Variants in FGD6 observed in about 807,000 individuals in gnomAD.
FGD6 encodes the protein FYVE, RhoGEF and PH domain-containing protein 6.
A neutral mutation model predicts 149.4 loss-of-function variants in FGD6; 90 were observed. The observed-to-expected ratio is 0.60, with a 90% CI of 0.51 to 0.72. The LOEUF (loss-of-function observed/expected upper bound fraction) is 0.72, where lower values mean the gene tolerates loss of function less well. FGD6 is among the 30% of genes least tolerant of loss of function. The probability of loss-of-function intolerance (pLI) is 0.00; values close to 1 mark genes in which losing one functional copy is unlikely to be tolerated. For synonymous variants in FGD6, 527 were observed against 584.0 expected (o/e 0.90, Z 1.41); for missense variants, 1,437 against 1,684.8 (o/e 0.85, Z 2.57).
At chr12:95,166,922 C>T (rs1183540515) in intron 3 of FGD6, among the ~76,000 whole-genome samples, 1 of 148,262 alleles carries the variant, frequency 6.7e-6, no homozygotes. Context: ...AGTGGCATGA[C>T]CTTGGCTTGC....
intron 7 of FGD6, among the ~76,000 whole-genome samples, chr12:95,136,277 G>GA (rs1330173688): frequency 3.3e-5 from 5 of 152,046 alleles, no homozygotes; most frequent in African/African-American, 1.2e-4. Context: ...AAAATCACGT[G>GA]AACCTCGGAG....
intron 8 of FGD6, chr12:95,126,025 C>T: frequency 4.5e-6 from 6 of 1,318,914 alleles, no homozygotes; most frequent in Non-Finnish European, 6.6e-6. Context: ...TGGGCAGCCA[C>T]ACAATGGGCC....
intron 14 of FGD6, among the ~76,000 whole-genome samples, chr12:95,095,796 T>A (rs2136235359): frequency 6.6e-6 from 1 of 152,166 alleles, no homozygotes; most frequent in Non-Finnish European, 1.5e-5. Flanking sequence ...GGTGGATCAT[T>A]TGAGCTCAGG....
intron 5 of FGD6, among the ~76,000 whole-genome samples, chr12:95,152,244 T>C (rs1880331624): frequency 6.6e-6 from 1 of 152,074 alleles, no homozygotes; most frequent in East Asian, 1.9e-4. Flanking sequence ...GAGAATTGCC[T>C]GAACCCAGGA....
intron 3 of FGD6, among the ~76,000 whole-genome samples, chr12:95,158,588 C>A (rs561714914): frequency 3.9e-5 from 6 of 152,108 alleles, no homozygotes; most frequent in Non-Finnish European, 7.4e-5. Context: ...TGTCTACACA[C>A]ACATACACAC....
At chr12:95,141,835 G>A (rs996024382) in intron 5 of FGD6, among the ~76,000 whole-genome samples, 42 of 152,130 alleles carry the variant, frequency 2.8e-4, no homozygotes, top group African/African-American at 9.7e-4. Context: ...TCTGGAAATT[G>A]TAATGCAATT....
chr12:95,133,888 G>C (rs897682309), intron 8 of FGD6, among the ~76,000 whole-genome samples: 1 of 152,094 alleles, frequency 6.6e-6, no homozygotes, highest in Non-Finnish European at 1.5e-5. Flanking sequence ...GCTATGGTGA[G>C]GATTTAAAGA....
At chr12:95,146,272 T>C (rs544475247) in intron 5 of FGD6, among the ~76,000 whole-genome samples, 1 of 152,330 alleles carries the variant, frequency 6.6e-6, no homozygotes, top group South Asian at 2.1e-4. Context: ...GGAGGTGACA[T>C]CTTTTTTTTA....
At chr12:95,184,894 GA>G (rs1881385815) in intron 2 of FGD6, among the ~76,000 whole-genome samples, 2 of 137,456 alleles carry the variant, frequency 1.5e-5, no homozygotes, top group South Asian at 4.6e-4. Context: ...TTTTTTTTGA[GA>G]CGGAGTCTCA....
At chr12:95,114,531 G>A in intron 8 of FGD6, among the ~76,000 whole-genome samples, 1 of 147,990 alleles carries the variant, frequency 6.8e-6, no homozygotes, top group Non-Finnish European at 1.5e-5. Context: ...ATGCAGCCCT[G>A]CAACAAAAAA....
chr12:95,094,218 C>T (rs1370784084), intron 15 of FGD6, among the ~76,000 whole-genome samples: 7 of 151,434 alleles, frequency 4.6e-5, no homozygotes, highest in Non-Finnish European at 8.8e-5. Context: ...TTCACGTGCT[C>T]GGAATACTAA....
At chr12:95,164,946 C>A (rs955945799) in intron 3 of FGD6, among the ~76,000 whole-genome samples, 1 of 151,990 alleles carries the variant, frequency 6.6e-6, no homozygotes, top group Non-Finnish European at 1.5e-5. Flanking sequence ...ATATGAGCTA[C>A]TTTACAAAGA....
At chr12:95,114,545 A>G (rs1000157421) in intron 8 of FGD6, among the ~76,000 whole-genome samples, 41 of 152,072 alleles carry the variant, frequency 2.7e-4, no homozygotes, top group African/African-American at 9.9e-4. Flanking sequence ...CAAAAAAAAA[A>G]ATTATCTGAC....
chr12:95,139,901 T>C (rs1879794881), intron 6 of FGD6, among the ~76,000 whole-genome samples: 1 of 152,130 alleles, frequency 6.6e-6, no homozygotes, highest in Admixed American at 6.6e-5. Context: ...CCTCCCAAAG[T>C]GCTGGGATTA....
chr12:95,217,460 G>T lies in FGD6; in HGVS notation c.-220C>A. On this transcript the variant is annotated 5_prime_UTR_variant, in exon 1 of 21. Transcript: ENST00000343958. The stretch of plus-strand genomic sequence containing the variant: ...CGAGCCGCCGGGGTCGGGCGGGCGA[G>T]CACTAGCACCGCCCCGCAGAGCGGC... The T allele has an allele frequency of 1.7e-6, 1 of 592,858 alleles. No individual in the cohort carries two copies. The highest frequency in any genetic ancestry group is 2.7e-6 in the Non-Finnish European group (1 of 376,334). 36.7% of individuals were successfully genotyped at this position (592,858 alleles called of 1,614,324 possible).
Position 95,094,659 on chromosome 12 carries a change from A to T in FGD6, c.3533T>A (p.Ile1178Asn), listed in dbSNP as rs1235091088. 1.2e-6 allele frequency: 2 copies of T among 1,613,880 alleles called. No homozygotes were observed. Among genetic ancestry groups the T allele is most frequent in the Admixed American group, 3.3e-5 (2 of 60,024 alleles). Residue 1178 changes from isoleucine (I) to asparagine (N), a missense_variant, in exon 15 of 21, where the codon ATT becomes AAT. Around this residue, in one of 2 missense-constraint regions of FGD6, gnomAD observed 382 missense variants for 538.7 expected, o/e 0.71. Transcript: ENST00000343958. Reference sequence around the variant, plus strand: ...GGCATACTCTTCTATTGCCCTGGAAATCGCTTCTAGCCATTCATCCCTTTC... The same window carrying T: ...GGCATACTCTTCTATTGCCCTGGAATTCGCTTCTAGCCATTCATCCCTTTC... ...ATERDEWLEA[I>N]SRAIEEYAKK... is the part of the protein sequence containing the mutation.
At chr12:95,153,685 C>CA (rs1193004403) in intron 3 of FGD6, among the ~76,000 whole-genome samples, 1 of 151,898 alleles carries the variant, frequency 6.6e-6, no homozygotes, top group Non-Finnish European at 1.5e-5. Flanking sequence ...AACAAACAAA[C>CA]AAAAATAATT....
chr12:95,148,205 C>T (rs1036703259), intron 5 of FGD6, among the ~76,000 whole-genome samples: 3 of 148,232 alleles, frequency 2.0e-5, no homozygotes, highest in African/African-American at 7.5e-5. Flanking sequence ...AGGGTGTATT[C>T]AGTGAAACAG....
intron 5 of FGD6, among the ~76,000 whole-genome samples, chr12:95,146,072 C>T (rs1158171590): frequency 2.0e-5 from 3 of 152,156 alleles, no homozygotes; most frequent in African/African-American, 7.2e-5. Flanking sequence ...CAATTTTGGC[C>T]TCCATAACCA....
Sources: gnomAD v4.1 joint callset for allele counts (sites outside exome capture counted in the v4.1 genomes callset) on GRCh38, gnomAD v4.1.1 for gene constraint, gnomAD v4.1.1 regional missense constraint, MANE v1.5 for transcripts, NCBI Gene and HGNC (gene_info 2026-07-23, HGNC 2026-07-21) for gene names.